Variants in ZNF521 observed in about 807,000 individuals in gnomAD.
ZNF521 encodes zinc finger protein 521, also known as LYST-interacting protein 3.
ZNF521 carries 14 observed loss-of-function variants against 105.5 expected under a neutral mutation model. The observed-to-expected ratio is 0.13, with a 90% CI of 0.09 to 0.21. The LOEUF (loss-of-function observed/expected upper bound fraction) is 0.21. Among genes scored for constraint, ZNF521 ranks in the 10% least tolerant of loss-of-function variants. The probability of loss-of-function intolerance (pLI) is 1.00; values close to 1 mark genes in which losing one functional copy is unlikely to be tolerated. For missense variants in ZNF521, 1,233 were observed against 1,629.7 expected (o/e 0.76, Z 4.19); for synonymous variants, 635 against 606.0 (o/e 1.05, Z -0.70).
intron 5 of ZNF521, among the ~76,000 whole-genome samples, chr18:25,136,312 G>C (rs535716606): frequency 6.6e-6 from 1 of 152,218 alleles, no homozygotes; most frequent in Non-Finnish European, 1.5e-5. Context: ...TGGAGATAGA[G>C]GAGTTTTCAG....
At chr18:25,174,931 G>GT (rs2035511009) in intron 5 of ZNF521, among the ~76,000 whole-genome samples, 1 of 152,100 alleles carries the variant, frequency 6.6e-6, no homozygotes, top group Non-Finnish European at 1.5e-5. Flanking sequence ...GTACTTACAA[G>GT]TCTTCTCATT....
chr18:25,148,463 T>C (rs906977636), intron 5 of ZNF521, among the ~76,000 whole-genome samples: 7 of 152,190 alleles, frequency 4.6e-5, no homozygotes, highest in African/African-American at 7.2e-5. Context: ...AAGTTTCTGT[T>C]CTGTTCTTTT....
chr18:25,165,664 C>T (rs915513327), intron 5 of ZNF521, among the ~76,000 whole-genome samples: 1 of 152,160 alleles, frequency 6.6e-6, no homozygotes, highest in Non-Finnish European at 1.5e-5. Flanking sequence ...TACATGTGGG[C>T]CTGAGTTGGT....
At chr18:25,306,447 A>T (rs920337449) in intron 3 of ZNF521, among the ~76,000 whole-genome samples, 8 of 152,264 alleles carry the variant, frequency 5.3e-5, no homozygotes, top group Middle Eastern at 3.4e-3. Flanking sequence ...TTTCCCATGG[A>T]GATGGACCTT....
chr18:25,338,567 C>T (rs1914029374), intron 2 of ZNF521, among the ~76,000 whole-genome samples: 1 of 151,952 alleles, frequency 6.6e-6, no homozygotes, highest in South Asian at 2.1e-4. Flanking sequence ...CATGTGCCAC[C>T]ACGCCAACTA....
chr18:25,263,821 G>A (rs1207284714), intron 3 of ZNF521, among the ~76,000 whole-genome samples: 3 of 151,986 alleles, frequency 2.0e-5, no homozygotes, highest in East Asian at 1.9e-4. Context: ...CAGGTTATCC[G>A]CCCACCTCAG....
chr18:25,314,399 C>T (rs1265197147), intron 3 of ZNF521, among the ~76,000 whole-genome samples: 3 of 152,030 alleles, frequency 2.0e-5, no homozygotes, highest in African/African-American at 7.2e-5. Context: ...ATTCTTTGGC[C>T]AAATAATAAG....
intron 3 of ZNF521, chr18:25,301,791 T>C (rs1421314024): frequency 6.6e-6 from 1 of 152,186 alleles, no homozygotes; most frequent in African/African-American, 2.4e-5. Flanking sequence ...GCAGAGTCCA[T>C]TTAGTTACAG....
chr18:25,190,607 G>A (rs1485685951), intron 5 of ZNF521, among the ~76,000 whole-genome samples: 3 of 152,126 alleles, frequency 2.0e-5, no homozygotes, highest in African/African-American at 7.2e-5. Flanking sequence ...AGGTGATACT[G>A]AAAGTCGCAA....
chr18:25,327,956 T>C (rs1434978552), intron 2 of ZNF521, among the ~76,000 whole-genome samples: 1 of 152,116 alleles, frequency 6.6e-6, no homozygotes, highest in Non-Finnish European at 1.5e-5. Flanking sequence ...CTTAGCAGGA[T>C]TATGATGGGC....
intron 3 of ZNF521, among the ~76,000 whole-genome samples, chr18:25,318,600 T>C (rs1222343981): frequency 6.6e-6 from 1 of 152,054 alleles, no homozygotes; most frequent in Non-Finnish European, 1.5e-5. Flanking sequence ...AACATATTAA[T>C]AAGGATAATG....
intron 5 of ZNF521, among the ~76,000 whole-genome samples, chr18:25,145,615 G>A (rs1333374905): frequency 6.6e-6 from 1 of 152,136 alleles, no homozygotes; most frequent in Non-Finnish European, 1.5e-5. Context: ...AATGACCCGA[G>A]TGACAAATCC....
At chr18:25,062,918 C>T (rs2032946611) in intron 7 of ZNF521, among the ~76,000 whole-genome samples, 177 bp from the exon 8 acceptor site, 1 of 152,030 alleles carries the variant, frequency 6.6e-6, no homozygotes, top group African/African-American at 2.4e-5. Flanking sequence ...CATGGGTGCC[C>T]TCTAATGTTA....
intron 2 of ZNF521, among the ~76,000 whole-genome samples, chr18:25,347,905 G>A (rs1304540956): frequency 6.6e-6 from 1 of 152,150 alleles, no homozygotes; most frequent in Non-Finnish European, 1.5e-5. Flanking sequence ...TAAAGTACTA[G>A]TATGCATGTA....
At chr18:25,194,171 T>C (rs1369595362) in intron 5 of ZNF521, among the ~76,000 whole-genome samples, 1 of 151,814 alleles carries the variant, frequency 6.6e-6, no homozygotes, top group African/African-American at 2.4e-5. Context: ...GAATTTTCTT[T>C]CCTGTCTTAC....
chr18:25,282,188 C>T (rs1376774275), intron 3 of ZNF521, among the ~76,000 whole-genome samples: 1 of 152,132 alleles, frequency 6.6e-6, no homozygotes, highest in African/African-American at 2.4e-5. Flanking sequence ...ACACAGAGCA[C>T]CTATGAATAT....
At chr18:25,152,649 C>T (rs1177428936) in intron 5 of ZNF521, among the ~76,000 whole-genome samples, 2 of 152,092 alleles carry the variant, frequency 1.3e-5, no homozygotes, top group South Asian at 2.1e-4. Context: ...GAGGAGACCC[C>T]GGAAAATTAT....
intron 2 of ZNF521, among the ~76,000 whole-genome samples, chr18:25,328,402 A>AACACACACAC (rs57967888): frequency 3.5e-5 from 5 of 141,684 alleles, no homozygotes; most frequent in Admixed American, 1.4e-4. Context: ...GGGGAGGTTA[A>AACACACACAC]ACACACACAC....
chr18:25,135,149 T>G (rs1567977074), intron 5 of ZNF521, among the ~76,000 whole-genome samples: 1 of 152,096 alleles, frequency 6.6e-6, no homozygotes, highest in Non-Finnish European at 1.5e-5. Context: ...AGTGGCCTCT[T>G]GCTACCCAGA....
Sources: allele counts gnomAD v4.1 joint callset (sites outside exome capture counted in the v4.1 genomes callset), GRCh38; gene constraint gnomAD v4.1.1; transcripts MANE v1.5; gene names NCBI Gene and HGNC (gene_info 2026-07-23, HGNC 2026-07-21).